The following IQCE variants were observed in gnomAD, a reference collection of about 807,000 sequenced individuals.
IQCE encodes IQ motif containing E.
Under a neutral mutation model 96.0 loss-of-function variants are expected in IQCE, and 115 were observed. The observed-to-expected ratio is 1.20, with a 90% CI of 1.03 to 1.40. IQCE has a LOEUF of 1.40. IQCE is among the 40% of genes most tolerant of loss of function. The pLI is 0.00. For missense variants in IQCE, 1,041 were observed against 909.1 expected (o/e 1.15, Z -1.87); for synonymous variants, 412 against 371.2 (o/e 1.11, Z -1.26).
rs61736917 is a variant in IQCE at position 2,589,973 on chromosome 7, T to G, written c.1111T>G (p.Cys371Gly). The G allele has an allele frequency of 6.2e-7, 1 of 1,613,976 alleles. No individual in the cohort carries two copies. Among genetic ancestry groups the G allele is most frequent in the Non-Finnish European group, 8.5e-7 (1 of 1,180,018 alleles). Residue 371 changes from cysteine (C) to glycine (G), a missense_variant, in exon 14 of 22, where the codon TGC (cysteine) becomes GGC (glycine). Transcript: ENST00000402050. Reference sequence around the variant, plus strand: ...GCCAGTCAGATCACACCCGCCAGCCTGCCTTGCATCCAGCTCTGCGCTGCA... The same window carrying G: ...GCCAGTCAGATCACACCCGCCAGCCGGCCTTGCATCCAGCTCTGCGCTGCA... Reference protein sequence around the residue: ...AEPVRSHPPACLASSSALHRQ... With the variant: ...AEPVRSHPPAGLASSSALHRQ...
intron 18 of IQCE, among the ~76,000 whole-genome samples, chr7:2,603,663 C>T (rs1317178770): frequency 1.3e-5 from 2 of 152,226 alleles, no homozygotes; most frequent in Non-Finnish European, 2.9e-5. Flanking sequence ...AGCCACTTTA[C>T]CGGAAGCTTC....
chr7:2,596,888 T>G (rs73033691), intron 16 of IQCE: 57,273 of 441,684 alleles, frequency 0.13, 3,924 homozygotes, highest in Middle Eastern at 0.17. Context: ...GCCAAGCAAC[T>G]TGTTGCCACA....
chr7:2,607,081 T>A (rs1784886577), intron 20 of IQCE, 43 bp from the exon 21 acceptor site: 1 of 1,528,026 alleles, frequency 6.5e-7, no homozygotes, highest in Admixed American at 2.1e-5. Flanking sequence ...AGGTTTGTAC[T>A]CTCTAAAAGC....
intron 14 of IQCE, 132 bp from the exon 15 acceptor site, chr7:2,592,890 T>G (rs1160864581): frequency 1.0e-6 from 1 of 960,326 alleles, no homozygotes; most frequent in Non-Finnish European, 1.5e-6. Flanking sequence ...ATGGGCCTTT[T>G]GTGCTCCTCC....
chr7:2,571,732 A>T (rs1781770231), intron 4 of IQCE, 78 bp downstream of exon 4: 1 of 1,389,874 alleles, frequency 7.2e-7, no homozygotes, highest in Admixed American at 2.0e-5. Flanking sequence ...TTTGAGATGG[A>T]GTTTTTAATA....
chr7:2,559,173 G>A lies in IQCE; in HGVS notation c.-9G>A. On this transcript the variant is annotated 5_prime_UTR_variant, in exon 1 of 22. Transcript: ENST00000402050. ...CAACCCTGAGGGGCGGCCGGGCAGC[G>A]CCGCCACCATGTTCCTGGGCACCGG... The A allele has an allele frequency of 8.2e-7, 1 of 1,213,906 alleles. No individual in the cohort carries two copies. The allele number at this position is 1,213,906 out of a possible 1,614,324, so 75.2% of individuals were successfully genotyped here.
intron 8 of IQCE, among the ~76,000 whole-genome samples, chr7:2,581,132 C>T (rs535416875): frequency 4.0e-5 from 6 of 151,772 alleles, no homozygotes; most frequent in Middle Eastern, 3.5e-3. Context: ...CATGAGCCAC[C>T]GCGCCCAGCC....
At chr7:2,578,840 C>T (rs1782425405) in intron 8 of IQCE, among the ~76,000 whole-genome samples, 1 of 152,170 alleles carries the variant, frequency 6.6e-6, no homozygotes, top group African/African-American at 2.4e-5. Flanking sequence ...GCAGGCAGAT[C>T]ACTTGAGGTC....
chr7:2,601,436 T>TTC lies in IQCE; in HGVS notation c.1609-5_1609-4insTC. ...TGTATTTTTTCTTTCTTTTTTTTTTTCCAGAAAAAAAAGGCTGTTCTGGAT... is the reference window on the plus strand; with the variant it reads ...TGTATTTTTTCTTTCTTTTTTTTTTTTCCCAGAAAAAAAAGGCTGTTCTGGAT... On this transcript the variant is annotated splice_polypyrimidine_tract_variant and splice_region_variant and intron_variant, in intron 17 of 21. Transcript: ENST00000402050. The TTC allele has an allele frequency of 1.3e-6, 2 of 1,532,530 alleles. No homozygotes were observed. The highest frequency in any genetic ancestry group is 1.8e-6 in the Non-Finnish European group (2 of 1,119,966). 94.9% of individuals were successfully genotyped at this position (1,532,530 alleles called of 1,614,324 possible).
intron 6 of IQCE, among the ~76,000 whole-genome samples, chr7:2,576,547 G>A (rs377091048): frequency 4.8e-4 from 73 of 152,024 alleles, no homozygotes; most frequent in African/African-American, 1.7e-3. Context: ...TTACAGGTGC[G>A]TGCCACCACA....
chr7:2,576,035 T>A (rs945866746), intron 6 of IQCE, among the ~76,000 whole-genome samples: 3 of 152,236 alleles, frequency 2.0e-5, no homozygotes, highest in Non-Finnish European at 4.4e-5. Context: ...TTCGCTAATT[T>A]ACTTCACAAG....
At chr7:2,586,987 GCAGA>G (rs1783173870) in intron 12 of IQCE, among the ~76,000 whole-genome samples, 1 of 152,188 alleles carries the variant, frequency 6.6e-6, no homozygotes, top group African/African-American at 2.4e-5. Flanking sequence ...GGGGATGGTG[GCAGA>G]CAGAGGCTTC....
rs1785049462 is a variant in IQCE at position 2,610,229 on chromosome 7, G to A, written c.*67G>A. ...AGGACATAGGAACCACGACTGGAAA[G>A]ATAATTTATCGTGTTAGGAGAAGAA... On this transcript the variant is annotated 3_prime_UTR_variant, in exon 22 of 22. Coordinates refer to ENST00000402050, the MANE Select transcript of IQCE (RefSeq NM_152558.5). 2.1e-6 allele frequency: 2 copies of A among 930,566 alleles called. No individual in the cohort carries two copies. The highest frequency in any genetic ancestry group is 1.6e-5 in the African/African-American group (1 of 61,894). The allele number at this position is 930,566 out of a possible 1,614,324, so 57.6% of individuals were successfully genotyped here.
At chr7:2,575,773 G>A (rs910985533) in intron 6 of IQCE, among the ~76,000 whole-genome samples, 3 of 152,142 alleles carry the variant, frequency 2.0e-5, no homozygotes, top group Admixed American at 6.5e-5. Flanking sequence ...TTAGGCAGTT[G>A]GTTTCTCCAG....
chr7:2,606,942 G>A (rs1030491225), intron 20 of IQCE, among the ~76,000 whole-genome samples, 182 bp from the exon 21 acceptor site: 2 of 152,142 alleles, frequency 1.3e-5, no homozygotes, highest in African/African-American at 2.4e-5. Context: ...CTTCACCGCC[G>A]GACGTTTCTG....
At chr7:2,564,898 C>T (rs1781247813) in intron 1 of IQCE, among the ~76,000 whole-genome samples, 1 of 152,202 alleles carries the variant, frequency 6.6e-6, no homozygotes, top group East Asian at 1.9e-4. Flanking sequence ...CTGCCAACAC[C>T]TTGATTCTGG....
chr7:2,572,276 C>G lies in IQCE; in HGVS notation c.344C>G (p.Thr115Arg). The change falls in exon 5 of 22, where the codon ACA becomes AGA. Residue 115 changes from threonine (T) to arginine (R), a missense_variant. Thr to Arg is a moderately conservative substitution (Grantham distance 71, BLOSUM62 -1). Coordinates refer to ENST00000402050, the MANE Select transcript of IQCE (RefSeq NM_152558.5). ...CCCGGCGGCACTCCTGACTGTCTGA[C>G]AGACACCTTCAGAGTGAAGAGGCCA... ...GVPGGTPDCL[T>R]DTFRVKRPHL... 6.2e-7 allele frequency: 1 copy of G among 1,614,214 alleles called. No homozygotes were observed. Among genetic ancestry groups the G allele is most frequent in the Non-Finnish European group, 8.5e-7 (1 of 1,180,018 alleles).
intron 8 of IQCE, among the ~76,000 whole-genome samples, chr7:2,579,170 C>T (rs1583431387): frequency 6.6e-6 from 1 of 151,974 alleles, no homozygotes; most frequent in Admixed American, 6.6e-5. Flanking sequence ...GAAATGGAAG[C>T]AGGGAAGATG....
At position 2,611,259 on chromosome 7, in the gene IQCE, G is replaced by C. The variant is rs572627068; in HGVS notation, c.*1097G>C. On this transcript the variant is annotated 3_prime_UTR_variant, in exon 22 of 22. Coordinates refer to ENST00000402050, the MANE Select transcript of IQCE (RefSeq NM_152558.5). ...CTTGTGTGTGAGATTAGCCCTTGCT[G>C]GGGCGTCAAGAGGAAGAGCCTTAGA... is the stretch of plus-strand genomic sequence containing the variant. 1.3e-5 allele frequency: 2 copies of C among 152,476 alleles called. No homozygotes were observed. Among genetic ancestry groups the C allele is most frequent in the South Asian group, 4.1e-4 (2 of 4,832 alleles). 9.4% of individuals were successfully genotyped at this position (152,476 alleles called of 1,614,324 possible). A position where few individuals can be genotyped will look rare whatever the true frequency, so the allele number is the denominator to read the frequency against.
Sources: gnomAD v4.1 joint callset for allele counts (sites outside exome capture counted in the v4.1 genomes callset) on GRCh38, gnomAD v4.1.1 for gene constraint, MANE v1.5 for transcripts, NCBI Gene and HGNC (gene_info 2026-07-23, HGNC 2026-07-21) for gene names.